ERBB4: variants seen among roughly 807,000 people sequenced by gnomAD.
ERBB4 encodes the protein receptor tyrosine-protein kinase erbB-4.
ERBB4 carries 42 observed loss-of-function variants against 158.0 expected under a neutral mutation model. That is an observed-to-expected ratio of 0.27 (90% CI 0.21 to 0.34). ERBB4 has a LOEUF of 0.34. ERBB4 is among the 10% of genes least tolerant of loss of function. The pLI is 1.00. For missense variants in ERBB4, 1,333 were observed against 1,624.1 expected, an observed-to-expected ratio of 0.82 and a Z score of 3.08; for synonymous variants, 583 against 558.7, an observed-to-expected ratio of 1.04 and a Z score of -0.61.
intron 1 of ERBB4, among the ~76,000 whole-genome samples, chr2:212,432,776 C>T (rs976472971): frequency 5.3e-5 from 8 of 152,186 alleles, no homozygotes; most frequent in East Asian, 1.9e-4. Context: ...TTTTAAAGAA[C>T]GACTTCTGAG....
intron 19 of ERBB4, among the ~76,000 whole-genome samples, chr2:211,568,682 A>G (rs1203767192): frequency 6.6e-6 from 1 of 152,194 alleles, no homozygotes. Context: ...AGATTAAAAG[A>G]GAGATAGAGG....
intron 12 of ERBB4, among the ~76,000 whole-genome samples, chr2:211,681,728 T>C (rs1477232711): frequency 1.3e-5 from 2 of 152,208 alleles, no homozygotes; most frequent in African/African-American, 2.4e-5. Flanking sequence ...TTAATGAGTA[T>C]TGAGAGTCTT....
chr2:211,491,684 T>C (rs1202773698), intron 20 of ERBB4, among the ~76,000 whole-genome samples: 3 of 151,994 alleles, frequency 2.0e-5, no homozygotes, highest in Non-Finnish European at 2.9e-5. Flanking sequence ...TAAAACAAAA[T>C]TAGAGCCTTT....
At chr2:211,489,544 T>C (rs2065286711) in intron 20 of ERBB4, among the ~76,000 whole-genome samples, 1 of 152,070 alleles carries the variant, frequency 6.6e-6, no homozygotes, top group Non-Finnish European at 1.5e-5. Flanking sequence ...TTAATAGCTA[T>C]GTTCATTTTC....
intron 20 of ERBB4, among the ~76,000 whole-genome samples, chr2:211,544,960 G>A (rs540542162): frequency 2.8e-4 from 43 of 152,038 alleles, no homozygotes; most frequent in African/African-American, 8.7e-4. Context: ...AATCACAATC[G>A]GTCAAGGGCT....
intron 1 of ERBB4, among the ~76,000 whole-genome samples, chr2:212,387,561 G>T: frequency 6.6e-6 from 1 of 151,822 alleles, no homozygotes; most frequent in Non-Finnish European, 1.5e-5. Flanking sequence ...GGGATTACGG[G>T]CACACACCAC....
At chr2:211,603,027 G>T (rs1185620556) in intron 19 of ERBB4, among the ~76,000 whole-genome samples, 2 of 152,048 alleles carry the variant, frequency 1.3e-5, no homozygotes, top group African/African-American at 4.8e-5. Context: ...AAGAAATCAA[G>T]ACCATCCTGG....
At chr2:211,757,755 G>A (rs1446843250) in intron 4 of ERBB4, among the ~76,000 whole-genome samples, 1 of 152,188 alleles carries the variant, frequency 6.6e-6, no homozygotes, top group Non-Finnish European at 1.5e-5. Context: ...CAAAAGTTGT[G>A]CAAAGGCTTG....
chr2:211,395,262 GA>G (rs1430909484), intron 25 of ERBB4, among the ~76,000 whole-genome samples: 1 of 152,000 alleles, frequency 6.6e-6, no homozygotes, highest in East Asian at 1.9e-4. Context: ...GATGACTCAT[GA>G]AAATACAATT....
At chr2:212,029,072 C>A (rs1381702353) in intron 2 of ERBB4, among the ~76,000 whole-genome samples, 1 of 152,014 alleles carries the variant, frequency 6.6e-6, no homozygotes, top group Admixed American at 6.6e-5. Flanking sequence ...CTTTCCATGG[C>A]AATGACCTGA....
intron 1 of ERBB4, among the ~76,000 whole-genome samples, chr2:212,473,639 G>C (rs1435202398): frequency 6.6e-6 from 1 of 151,990 alleles, no homozygotes; most frequent in Non-Finnish European, 1.5e-5. Context: ...ATGGTAATGA[G>C]ATCAGTATTT....
At position 211,547,596 on chromosome 2, in the gene ERBB4, TC is replaced by T. The variant is rs927185538; in HGVS notation, c.2487+14306del. Reference sequence around the variant, plus strand: ...GGGAGCAATAAACTAGATATGCCAGTCCTCCTACTTTGATTTTGCATTTGAG... The same window carrying T: ...GGGAGCAATAAACTAGATATGCCAGTCTCCTACTTTGATTTTGCATTTGAG... On this transcript the variant is annotated intron_variant, in intron 20 of 27. Transcript: ENST00000342788. Among the ~76,000 whole-genome samples, 3 of 152,178 alleles carry T rather than the reference TC, an allele frequency of 2.0e-5. No homozygotes were observed. The South Asian group carries it at 6.2e-4, about 32-fold the overall frequency.
At chr2:212,520,092 T>C (rs905392001) in intron 1 of ERBB4, among the ~76,000 whole-genome samples, 2 of 151,942 alleles carry the variant, frequency 1.3e-5, no homozygotes, top group South Asian at 2.1e-4. Flanking sequence ...GATACCTTAA[T>C]TGGAAAAATA....
At chr2:211,493,854 A>G (rs2065405732) in intron 20 of ERBB4, among the ~76,000 whole-genome samples, 1 of 152,118 alleles carries the variant, frequency 6.6e-6, no homozygotes, top group Non-Finnish European at 1.5e-5. Context: ...TCCAAATGGC[A>G]TCAGTGTCAT....
At chr2:211,575,280 T>C (rs570300899) in intron 19 of ERBB4, among the ~76,000 whole-genome samples, 3 of 152,278 alleles carry the variant, frequency 2.0e-5, no homozygotes, top group African/African-American at 7.2e-5. Context: ...AGTGACATTC[T>C]AACAGGCATT....
At chr2:211,401,196 T>TACCACTTAGCCACAGAAAGGTGTAC (rs2063033547) in intron 25 of ERBB4, among the ~76,000 whole-genome samples, 1 of 152,020 alleles carries the variant, frequency 6.6e-6, no homozygotes, top group Non-Finnish European at 1.5e-5. Flanking sequence ...GTACATGAAA[T>TACCACTTAGCCACAGAAAGGTGTAC]ATCCAGTAAT....
intron 1 of ERBB4, among the ~76,000 whole-genome samples, chr2:212,206,461 G>A (rs1327310822): frequency 2.6e-5 from 4 of 151,962 alleles, no homozygotes; most frequent in African/African-American, 4.8e-5. Flanking sequence ...ATTTCACGGT[G>A]AGCCTTTTAT....
At chr2:211,869,533 G>A (rs563206249) in intron 3 of ERBB4, among the ~76,000 whole-genome samples, 2 of 152,250 alleles carry the variant, frequency 1.3e-5, no homozygotes, top group East Asian at 3.9e-4. Flanking sequence ...CTACAAAAGT[G>A]AGTTATTAGG....
intron 3 of ERBB4, among the ~76,000 whole-genome samples, chr2:211,885,341 G>A (rs1207281948): frequency 6.6e-6 from 1 of 151,908 alleles, no homozygotes; most frequent in Non-Finnish European, 1.5e-5. Flanking sequence ...CAGAAAAGCT[G>A]GATCTATAGT....
Sources: gnomAD v4.1 joint callset for allele counts (sites outside exome capture counted in the v4.1 genomes callset) on GRCh38, gnomAD v4.1.1 for gene constraint, MANE v1.5 for transcripts, NCBI Gene and HGNC (gene_info 2026-07-23, HGNC 2026-07-21) for gene names.